Variants in FYN observed in about 807,000 individuals in gnomAD.
The protein encoded by FYN is tyrosine-protein kinase Fyn.
FYN carries 10 observed loss-of-function variants against 70.2 expected under a neutral mutation model. The ratio of observed to expected loss-of-function variants is 0.14; its 90% CI spans 0.09 to 0.24. The LOEUF is 0.24. Among genes scored for constraint, FYN ranks in the 10% least tolerant of loss-of-function variants. The pLI is 1.00. For missense variants in FYN, 319 were observed against 673.1 expected, an observed-to-expected ratio of 0.47 and a Z score of 5.82; for synonymous variants, 236 against 248.6, an observed-to-expected ratio of 0.95 and a Z score of 0.48.
intron 2 of FYN, among the ~76,000 whole-genome samples, chr6:111,829,715 C>T (rs1033367515): frequency 9.2e-5 from 14 of 152,262 alleles, no homozygotes; most frequent in Admixed American, 2.6e-4. Flanking sequence ...GTTCAGCTGT[C>T]GGATGATGTA....
chr6:111,811,132 AGT>A (rs1772312321), intron 2 of FYN, among the ~76,000 whole-genome samples: 1 of 152,228 alleles, frequency 6.6e-6, no homozygotes, highest in Non-Finnish European at 1.5e-5. Context: ...TGAATATACA[AGT>A]AGTCAGGAGC....
At chr6:111,854,870 A>G (rs1773782560) in intron 1 of FYN, among the ~76,000 whole-genome samples, 1 of 152,346 alleles carries the variant, frequency 6.6e-6, no homozygotes, top group East Asian at 1.9e-4. Context: ...CAAATCTGCT[A>G]AAGAGGCAAC....
intron 2 of FYN, among the ~76,000 whole-genome samples, chr6:111,840,933 A>G (rs1289671672): frequency 6.6e-6 from 1 of 152,254 alleles, no homozygotes; most frequent in Non-Finnish European, 1.5e-5. Flanking sequence ...TCATGGCTAC[A>G]GGAGAAAGCC....
chr6:111,758,704 T>A (rs917416139), intron 3 of FYN: 2 of 152,290 alleles, frequency 1.3e-5, no homozygotes, highest in African/African-American at 4.8e-5. Flanking sequence ...CTCAGTGCCA[T>A]CCCAACAAGA....
intron 3 of FYN, among the ~76,000 whole-genome samples, chr6:111,727,524 A>G (rs898697523): frequency 6.6e-6 from 1 of 152,218 alleles, no homozygotes; most frequent in Non-Finnish European, 1.5e-5. Flanking sequence ...GCCAAATGCA[A>G]GTATTAAAAT....
chr6:111,704,353 A>G (rs1726153), intron 6 of FYN, among the ~76,000 whole-genome samples: 3,518 of 152,260 alleles, frequency 0.023, 145 homozygotes, highest in African/African-American at 0.077. Flanking sequence ...CCCTCTAGAC[A>G]TGACCAGAAC....
intron 9 of FYN, chr6:111,699,501 G>A: frequency 6.2e-7 from 1 of 1,608,160 alleles, no homozygotes; most frequent in Non-Finnish European, 8.5e-7. Context: ...AACAAAATGT[G>A]CCCTCTGCCT....
chr6:111,768,129 G>T (rs978613841), intron 3 of FYN, among the ~76,000 whole-genome samples: 2 of 152,206 alleles, frequency 1.3e-5, no homozygotes, highest in Non-Finnish European at 2.9e-5. Context: ...GCACACATGC[G>T]TGTATGTGGT....
At chr6:111,677,220 T>G (rs1304390453) in intron 12 of FYN, among the ~76,000 whole-genome samples, 1 of 152,244 alleles carries the variant, frequency 6.6e-6, no homozygotes, top group Non-Finnish European at 1.5e-5. Flanking sequence ...TTCTCCTGCT[T>G]CTTCTCTGTC....
At chr6:111,766,895 T>A (rs1259694320) in intron 3 of FYN, among the ~76,000 whole-genome samples, 1 of 152,172 alleles carries the variant, frequency 6.6e-6, no homozygotes, top group African/African-American at 2.4e-5. Context: ...TAATGTCTTT[T>A]CCTATCACAA....
intron 3 of FYN, among the ~76,000 whole-genome samples, chr6:111,764,233 G>GAAAAAAAAAAAAAAAAAAA (rs1441217283): frequency 1.4e-5 from 1 of 71,698 alleles, no homozygotes; most frequent in Non-Finnish European, 2.8e-5. Context: ...AAAAAAAAAA[G>GAAAAAAAAAAAAAAAAAAA]AAAAGAAAAA....
intron 1 of FYN, among the ~76,000 whole-genome samples, chr6:111,859,403 T>G (rs1333096244): frequency 1.3e-5 from 2 of 152,188 alleles, no homozygotes; most frequent in Non-Finnish European, 2.9e-5. Context: ...ACTCCATATT[T>G]TTTATCCATC....
At chr6:111,796,903 T>C (rs1583452949) in intron 2 of FYN, among the ~76,000 whole-genome samples, 1 of 152,346 alleles carries the variant, frequency 6.6e-6, no homozygotes, top group East Asian at 1.9e-4. Context: ...TTAATATTTA[T>C]TGTATCCAGG....
At chr6:111,757,743 C>T (rs1373411036) in intron 3 of FYN, among the ~76,000 whole-genome samples, 3 of 152,188 alleles carry the variant, frequency 2.0e-5, no homozygotes, top group African/African-American at 7.2e-5. Flanking sequence ...GGGAGAGTTA[C>T]TTCTGTTGAA....
intron 2 of FYN, among the ~76,000 whole-genome samples, chr6:111,781,621 G>A (rs1297752433): frequency 1.3e-5 from 2 of 152,150 alleles, no homozygotes; most frequent in Non-Finnish European, 2.9e-5. Flanking sequence ...AGGCCTGTCC[G>A]GCCTCTGAGC....
chr6:111,718,774 A>G lies in FYN; in HGVS notation c.247+1031T>C, dbSNP rs190527014. Among the ~76,000 whole-genome samples, 5 of 152,306 alleles carry G rather than the reference A, an allele frequency of 3.3e-5. No individual in the cohort carries two copies. In the East Asian group the frequency reaches 5.8e-4, roughly 18 times the overall value. ...CAAGGCCTGGGTTAAAAGGAAAGCT[A>G]GAGTCACCACAGCATGAGGGTGAAC... On this transcript the variant is annotated intron_variant, in intron 4 of 13. Transcript: ENST00000354650.
chr6:111,842,590 A>G (rs1414133898), intron 2 of FYN, among the ~76,000 whole-genome samples: 1 of 152,138 alleles, frequency 6.6e-6, no homozygotes, highest in African/African-American at 2.4e-5. Context: ...GCCTTTGGAT[A>G]CCCCATGTAA....
chr6:111,689,996 G>C (rs1428041444), intron 12 of FYN, among the ~76,000 whole-genome samples: 1 of 152,216 alleles, frequency 6.6e-6, no homozygotes, highest in East Asian at 1.9e-4. Context: ...GTCTGAACTT[G>C]TTAGGTTTAA....
chr6:111,714,789 A>G (rs1351813252), intron 4 of FYN, among the ~76,000 whole-genome samples: 2 of 152,222 alleles, frequency 1.3e-5, no homozygotes, highest in Admixed American at 6.5e-5. Context: ...GCTCTGCAGC[A>G]GTTACTGACA....
Sources: allele counts gnomAD v4.1 joint callset (sites outside exome capture counted in the v4.1 genomes callset), GRCh38; gene constraint gnomAD v4.1.1; transcripts MANE v1.5; gene names NCBI Gene and HGNC (gene_info 2026-07-23, HGNC 2026-07-21).